The following SGCD variants were observed in gnomAD, a reference collection of about 807,000 sequenced individuals.
SGCD encodes the protein sarcoglycan delta.
Under a neutral mutation model 36.6 loss-of-function variants are expected in SGCD, and 18 were observed. The observed-to-expected ratio is 0.49, with a 90% CI of 0.34 to 0.73. The LOEUF is 0.73. Among genes scored for constraint, SGCD ranks in the 30% least tolerant of loss-of-function variants. The pLI is 0.01. For missense variants in SGCD, 387 were observed against 346.7 expected (o/e 1.12, Z -0.92); for synonymous variants, 133 against 130.6 (o/e 1.02, Z -0.12).
chr5:156,229,281 T>TACATATATATATATATACAC (rs1764947235), intron 3 of SGCD, among the ~76,000 whole-genome samples: 1 of 98,096 alleles, frequency 1.0e-5, no homozygotes, highest in Non-Finnish European at 1.9e-5. Flanking sequence ...TACATACATA[T>TACATATATATATATATACAC]ATATATATAT....
chr5:156,694,968 G>A (rs1488964256), intron 7 of SGCD, among the ~76,000 whole-genome samples: 1 of 152,106 alleles, frequency 6.6e-6, no homozygotes, highest in Non-Finnish European at 1.5e-5. Context: ...TTCTTTCTTG[G>A]AGCACTGAGT....
intron 6 of SGCD, among the ~76,000 whole-genome samples, chr5:156,637,607 T>C (rs920316493): frequency 2.6e-5 from 4 of 152,100 alleles, no homozygotes; most frequent in Non-Finnish European, 4.4e-5. Context: ...ATGTCATATG[T>C]CCACCCCTAG....
intron 7 of SGCD, among the ~76,000 whole-genome samples, chr5:156,676,572 A>AG (rs1753521012): frequency 6.6e-6 from 1 of 152,138 alleles, no homozygotes; most frequent in African/African-American, 2.4e-5. Context: ...CCTCAAGACA[A>AG]GGTAAGCAAT....
chr5:155,993,205 G>A (rs75072411), intron 1 of SGCD, among the ~76,000 whole-genome samples: 2,371 of 152,136 alleles, frequency 0.016, 26 homozygotes, highest in Middle Eastern at 0.041. Context: ...ATTCCTGCAT[G>A]GCCCCCGTCC....
In SGCD at chr5:156,425,740, G is replaced by A. The variant is rs115176840; in HGVS notation, c.192+81063G>A. ...TCACGCTTCCCCCCGAGTCCCTAAA[G>A]TCCTTTATATCATTCTTAGCCTTCG... On this transcript the variant is annotated intron_variant, in intron 3 of 8. Coordinates refer to ENST00000337851, the MANE Select transcript of SGCD (RefSeq NM_000337.6). Among the ~76,000 whole-genome samples, 1,397 of 151,888 alleles carry A rather than the reference G, an allele frequency of 9.2e-3. 25 individuals carry two copies. Among genetic ancestry groups the A allele is most frequent in the African/African-American group, 0.032 (1,318 of 41,438 alleles).
At chr5:156,550,370 C>T (rs972435877) in intron 4 of SGCD, among the ~76,000 whole-genome samples, 2 of 152,178 alleles carry the variant, frequency 1.3e-5, no homozygotes, top group Non-Finnish European at 2.9e-5. Flanking sequence ...GGAAGAGATG[C>T]TGCTGTCTAG....
At chr5:155,775,439 C>A in the SGCD span, among the ~76,000 whole-genome samples, 2 of 152,060 alleles carry the variant, frequency 1.3e-5, no homozygotes, top group Admixed American at 6.6e-5. Context: ...ATAATTTGCC[C>A]AAAATTAGAC....
At chr5:156,444,768 A>C (rs1264133878) in intron 3 of SGCD, among the ~76,000 whole-genome samples, 3 of 152,158 alleles carry the variant, frequency 2.0e-5, no homozygotes, top group Non-Finnish European at 4.4e-5. Context: ...AAATGTATCT[A>C]TCTATCCACT....
intron 7 of SGCD, among the ~76,000 whole-genome samples, chr5:156,667,610 C>G (rs1391475863): frequency 6.6e-6 from 1 of 152,176 alleles, no homozygotes; most frequent in Non-Finnish European, 1.5e-5. Flanking sequence ...GAATTGTGAA[C>G]AGCATCCATG....
At chr5:155,743,839 G>A in the SGCD span, among the ~76,000 whole-genome samples, 43 of 152,192 alleles carry the variant, frequency 2.8e-4, no homozygotes, top group South Asian at 8.3e-4. Flanking sequence ...ATATTGCTGC[G>A]TCTAAGAATC....
At chr5:155,764,187 A>G in the SGCD span, among the ~76,000 whole-genome samples, 7 of 152,218 alleles carry the variant, frequency 4.6e-5, no homozygotes, top group African/African-American at 7.2e-5. Context: ...GCAAAAGATA[A>G]TTCCAGAAAT....
At chr5:156,262,960 C>A (rs1395600690) in intron 3 of SGCD, among the ~76,000 whole-genome samples, 1 of 151,338 alleles carries the variant, frequency 6.6e-6, no homozygotes, top group African/African-American at 2.4e-5. Context: ...TATATACACA[C>A]ATATATATAC....
chr5:156,463,846 T>C (rs1343118308), intron 3 of SGCD, among the ~76,000 whole-genome samples: 1 of 151,958 alleles, frequency 6.6e-6, no homozygotes, highest in Non-Finnish European at 1.5e-5. Context: ...ATCAAAAAAA[T>C]GAGCCAGGCA....
At chr5:156,083,789 G>A (rs537557429) in intron 1 of SGCD, among the ~76,000 whole-genome samples, 4 of 149,878 alleles carry the variant, frequency 2.7e-5, no homozygotes, top group Non-Finnish European at 5.9e-5. Flanking sequence ...TTTTTGTTTT[G>A]TTTTTGTTTT....
intron 3 of SGCD, among the ~76,000 whole-genome samples, chr5:156,254,311 T>C (rs979467029): frequency 6.6e-6 from 1 of 152,202 alleles, no homozygotes; most frequent in African/African-American, 2.4e-5. Flanking sequence ...GCCATGTTGG[T>C]GTGCTGCACC....
In SGCD at chr5:156,173,540, A is replaced by T. The variant is rs543665860; in HGVS notation, c.-44+49521A>T. 3.3e-5 allele frequency among the ~76,000 whole-genome samples: 5 copies of T among 152,322 alleles called. No homozygotes were observed. The East Asian group carries it at 7.7e-4, about 23-fold the overall frequency. ...CTAAATGCTGTTACATCCAGGGGAAAAAAAGAGAGAATAAACACAGTTAAG... is the reference window on the plus strand; with the variant it reads ...CTAAATGCTGTTACATCCAGGGGAATAAAAGAGAGAATAAACACAGTTAAG... On this transcript the variant is annotated intron_variant, in intron 3 of 9. Coordinates refer to the SGCD transcript ENST00000517913.
intron 3 of SGCD, among the ~76,000 whole-genome samples, chr5:156,358,175 AGGAAAAGTATCATTT>A (rs1335449578): frequency 1.3e-5 from 2 of 152,346 alleles, no homozygotes; most frequent in Admixed American, 6.5e-5. Context: ...CCAAAGACAG[AGGAAAAGTATCATTT>A]GGGTCACTCA....
At chr5:156,714,205 A>T (rs146966601) in intron 7 of SGCD, among the ~76,000 whole-genome samples, 1 of 152,220 alleles carries the variant, frequency 6.6e-6, no homozygotes, top group South Asian at 2.1e-4. Context: ...ACACACTCCC[A>T]GCTGAGGTGG....
At chr5:156,208,807 C>T (rs1764358943) in intron 3 of SGCD, among the ~76,000 whole-genome samples, 1 of 152,130 alleles carries the variant, frequency 6.6e-6, no homozygotes, top group Non-Finnish European at 1.5e-5. Flanking sequence ...TAGAACTTTC[C>T]AGCATTTGTC....
Sources: allele counts gnomAD v4.1 joint callset (sites outside exome capture counted in the v4.1 genomes callset), GRCh38; gene constraint gnomAD v4.1.1; transcripts MANE v1.5; gene names NCBI Gene and HGNC (gene_info 2026-07-23, HGNC 2026-07-21).